Variants in ADAM18 observed in about 807,000 individuals in gnomAD.
ADAM18 encodes ADAM metallopeptidase domain 18, also known as disintegrin and metalloproteinase domain-containing protein 18.
A neutral mutation model predicts 94.4 loss-of-function variants in ADAM18; 117 were observed. That is an observed-to-expected ratio of 1.24 (90% CI 1.07 to 1.45). The LOEUF is 1.45. Ranked by LOEUF, ADAM18 falls within the 40% of genes most tolerant of loss-of-function variation. The pLI is 0.00. For missense variants in ADAM18, 936 were observed against 880.0 expected (o/e 1.06, Z -0.81); for synonymous variants, 327 against 291.6 (o/e 1.12, Z -1.24).
chr8:39,659,705 TTAA>T (rs1485755438), intron 12 of ADAM18, among the ~76,000 whole-genome samples: 2 of 151,932 alleles, frequency 1.3e-5, no homozygotes, highest in Non-Finnish European at 2.9e-5. Context: ...TTATCAGTAA[TTAA>T]CAACAGTCAC....
intron 12 of ADAM18, among the ~76,000 whole-genome samples, chr8:39,663,577 T>C (rs6474164): frequency 0.8 from 105,664 of 132,706 alleles, 42,271 homozygotes; most frequent in Middle Eastern, 0.89. Context: ...CCAGCCTGGG[T>C]GACAGAGTGA....
At chr8:39,586,610 C>T (rs1323823105) in intron 2 of ADAM18, among the ~76,000 whole-genome samples, 1 of 152,068 alleles carries the variant, frequency 6.6e-6, no homozygotes, top group African/African-American at 2.4e-5. Flanking sequence ...GCCTGTAGTC[C>T]CAGCTGTTCT....
intron 16 of ADAM18, among the ~76,000 whole-genome samples, chr8:39,689,423 T>G (rs1821706295): frequency 6.6e-6 from 1 of 152,242 alleles, no homozygotes. Flanking sequence ...GCTAGCCATT[T>G]ATCCCGGCAT....
intron 8 of ADAM18, 33 bp downstream of exon 8, chr8:39,637,368 A>T: frequency 6.4e-7 from 1 of 1,568,890 alleles, no homozygotes; most frequent in Non-Finnish European, 8.7e-7. Flanking sequence ...TTCCATTTTC[A>T]TGAAAGTTTC....
At chr8:39,682,873 A>G (rs1359026241) in intron 16 of ADAM18, among the ~76,000 whole-genome samples, 1 of 152,194 alleles carries the variant, frequency 6.6e-6, no homozygotes, top group African/African-American at 2.4e-5. Context: ...AGAGCTTGAC[A>G]ATTAATGTGG....
At chr8:39,628,990 TA>T (rs1319419671) in intron 6 of ADAM18, among the ~76,000 whole-genome samples, 1 of 152,104 alleles carries the variant, frequency 6.6e-6, no homozygotes, top group East Asian at 1.9e-4. Flanking sequence ...AAATATTTCC[TA>T]TATCTTTATG....
At chr8:39,674,445 C>T (rs1183323926) in intron 14 of ADAM18, among the ~76,000 whole-genome samples, 1 of 152,048 alleles carries the variant, frequency 6.6e-6, no homozygotes, top group African/African-American at 2.4e-5. Context: ...GATTGCAACC[C>T]CTGCTTTTTT....
chr8:39,726,420 C>G (rs1386991542), intron 19 of ADAM18, among the ~76,000 whole-genome samples: 1 of 152,152 alleles, frequency 6.6e-6, no homozygotes, highest in Admixed American at 6.5e-5. Flanking sequence ...AGCCATGGTG[C>G]CTGGCCACCC....
intron 2 of ADAM18, among the ~76,000 whole-genome samples, chr8:39,599,309 A>G (rs968491262): frequency 6.6e-6 from 1 of 152,220 alleles, no homozygotes; most frequent in African/African-American, 2.4e-5. Flanking sequence ...TATAAAAATA[A>G]TTATTTTATA....
rs559412947 is a variant in ADAM18 at position 39,645,521 on chromosome 8, T to C, written c.1046+47T>C. The stretch of plus-strand genomic sequence containing the variant: ...TTTCATTTATATTTTTATAAGGTTG[T>C]TTCCAAAATGTGATAATGTTTTTAA... On this transcript the variant is annotated intron_variant, in intron 11 of 19. Transcript: ENST00000265707. The C allele has an allele frequency of 5.8e-6, 9 of 1,543,974 alleles. No homozygotes were observed. The African/African-American group carries it at 1.1e-4, about 19-fold the overall frequency.
At chr8:39,724,605 TG>T (rs1232469050) in intron 19 of ADAM18, among the ~76,000 whole-genome samples, 1 of 151,826 alleles carries the variant, frequency 6.6e-6, no homozygotes, top group Non-Finnish European at 1.5e-5. Flanking sequence ...TTTCCTTGCT[TG>T]GGGATTGGCT....
At chr8:39,719,119 G>A (rs890931011) in intron 18 of ADAM18, among the ~76,000 whole-genome samples, 16 of 151,304 alleles carry the variant, frequency 1.1e-4, no homozygotes, top group African/African-American at 3.6e-4. Flanking sequence ...TCAAGTCAGC[G>A]TGGTACTGTC....
At chr8:39,596,917 G>T (rs1375896852) in intron 2 of ADAM18, among the ~76,000 whole-genome samples, 1 of 152,106 alleles carries the variant, frequency 6.6e-6, no homozygotes, top group Non-Finnish European at 1.5e-5. Flanking sequence ...CCTTAATAAT[G>T]TATAAGGATT....
intron 17 of ADAM18, among the ~76,000 whole-genome samples, chr8:39,705,472 C>T (rs1211943278): frequency 1.3e-5 from 2 of 152,012 alleles, no homozygotes; most frequent in Non-Finnish European, 2.9e-5. Context: ...CTCCTGTAAT[C>T]CTAGCAATTT....
chr8:39,728,277 T>A (rs550024863), intron 19 of ADAM18, among the ~76,000 whole-genome samples: 17 of 152,120 alleles, frequency 1.1e-4, no homozygotes, highest in Admixed American at 3.9e-4. Context: ...CATTTTTTTT[T>A]AAAAAAGCAG....
At chr8:39,685,038 C>T (rs950874492) in intron 16 of ADAM18, 10 of 152,258 alleles carry the variant, frequency 6.6e-5, no homozygotes, top group East Asian at 3.8e-4. Flanking sequence ...ACAGGAATTA[C>T]TTATTCAGGG....
intron 5 of ADAM18, 60 bp downstream of exon 5, chr8:39,609,621 A>G: frequency 3.4e-6 from 4 of 1,168,612 alleles, no homozygotes; most frequent in Middle Eastern, 2.0e-4. Context: ...TTAAAACAAA[A>G]CTTAGTGACT....
chr8:39,714,220 A>T (rs987043396), intron 18 of ADAM18, among the ~76,000 whole-genome samples: 3 of 152,178 alleles, frequency 2.0e-5, no homozygotes, highest in African/African-American at 7.2e-5. Context: ...GTTCTCACTC[A>T]TAGGTGGGAA....
chr8:39,599,863 A>T (rs971494539), intron 2 of ADAM18, among the ~76,000 whole-genome samples: 1 of 151,730 alleles, frequency 6.6e-6, no homozygotes, highest in Non-Finnish European at 1.5e-5. Flanking sequence ...TGTTTTGAAG[A>T]TTTAAAAAAT....
Sources: allele counts gnomAD v4.1 joint callset (sites outside exome capture counted in the v4.1 genomes callset), GRCh38; gene constraint gnomAD v4.1.1; transcripts MANE v1.5; gene names NCBI Gene and HGNC (gene_info 2026-07-23, HGNC 2026-07-21).